The following GANC variants were observed in gnomAD, a reference collection of about 807,000 sequenced individuals.
GANC encodes the protein neutral alpha-glucosidase C.
Under a neutral mutation model 124.2 loss-of-function variants are expected in GANC, and 117 were observed. The ratio of observed to expected loss-of-function variants is 0.94; its 90% CI spans 0.81 to 1.10. The LOEUF (loss-of-function observed/expected upper bound fraction) is 1.10. GANC is among the 50% of genes least tolerant of loss of function. The probability of loss-of-function intolerance (pLI) is 0.00; values close to 1 mark genes in which losing one functional copy is unlikely to be tolerated. For synonymous variants in GANC, 377 were observed against 376.8 expected (o/e 1.00, Z -0.01); for missense variants, 1,140 against 1,095.0 (o/e 1.04, Z -0.58).
Position 42,273,223 on chromosome 15 carries a change from T to A in GANC, c.-1259T>A, listed in dbSNP as rs370752042. The A allele has an allele frequency of 1.2e-6, 2 of 1,612,782 alleles. No individual in the cohort carries two copies. The highest frequency in any genetic ancestry group is 1.7e-6 in the Non-Finnish European group (2 of 1,179,066). On this transcript the variant is annotated 5_prime_UTR_variant, in exon 1 of 24. Transcript: ENST00000318010. ...GCCGTAGCCCCACCCCTTGCTCCTC[T>A]AGGTTCAGACGTTAGTGAAGTGAAT...
chr15:42,345,429 C>A (rs1000850203), intron 19 of GANC, among the ~76,000 whole-genome samples: 2 of 151,976 alleles, frequency 1.3e-5, no homozygotes, highest in African/African-American at 2.4e-5. Flanking sequence ...ACTATAAGAT[C>A]CATGAGGACA....
intron 21 of GANC, 71 bp downstream of exon 21, chr15:42,348,287 C>T: frequency 1.1e-6 from 1 of 908,784 alleles, no homozygotes; most frequent in South Asian, 1.5e-5. Flanking sequence ...GAGTGTGTGA[C>T]ACTACGTAAA....
At chr15:42,285,495 A>G (rs1011184016) in intron 3 of GANC, among the ~76,000 whole-genome samples, 4 of 152,200 alleles carry the variant, frequency 2.6e-5, no homozygotes, top group Non-Finnish European at 2.9e-5. Flanking sequence ...CAAGAAAGCT[A>G]TGTTGGTGAT....
Position 42,339,661 on chromosome 15 carries a change from G to A in GANC, c.1844-8G>A, listed in dbSNP as rs1483824780. 2.5e-6 allele frequency: 4 copies of A among 1,608,518 alleles called. No individual in the cohort carries two copies. The highest frequency in any genetic ancestry group is 1.7e-6 in the Non-Finnish European group (2 of 1,176,208). On this transcript the variant is annotated splice_polypyrimidine_tract_variant and splice_region_variant and intron_variant, in intron 16 of 23. Transcript: ENST00000318010. The stretch of plus-strand genomic sequence containing the variant: ...TGGTTGCCTCACTTGGCCTTCTTTT[G>A]CTTCCAGCTGACATAGGCGGGTTCA...
At chr15:42,320,914 C>T (rs1244933290) in intron 10 of GANC, among the ~76,000 whole-genome samples, 1 of 152,156 alleles carries the variant, frequency 6.6e-6, no homozygotes, top group East Asian at 1.9e-4. Flanking sequence ...CAACAGTTAC[C>T]ACCCTGCTCC....
At chr15:42,283,577 G>T in intron 3 of GANC, 2 of 694,130 alleles carry the variant, frequency 2.9e-6, no homozygotes, top group South Asian at 3.0e-5. Context: ...TGATATAGGT[G>T]ACCATTTGGC....
intron 6 of GANC, among the ~76,000 whole-genome samples, chr15:42,298,451 C>A (rs908344837): frequency 6.6e-6 from 1 of 152,144 alleles, no homozygotes; most frequent in Non-Finnish European, 1.5e-5. Context: ...ATATAAGTCC[C>A]CCATTTATCA....
chr15:42,299,779 C>A (rs1437742728), intron 6 of GANC, among the ~76,000 whole-genome samples: 1 of 152,132 alleles, frequency 6.6e-6, no homozygotes, highest in Non-Finnish European at 1.5e-5. Context: ...TGGAACAGAA[C>A]AGAGACCTCA....
At chr15:42,323,351 G>A (rs1341916591) in intron 11 of GANC, among the ~76,000 whole-genome samples, 2 of 152,152 alleles carry the variant, frequency 1.3e-5, no homozygotes, top group Non-Finnish European at 2.9e-5. Flanking sequence ...AGTGAGTGAA[G>A]AAAAGGCAAG....
chr15:42,293,006 A>G (rs1566951163), intron 5 of GANC, 89 bp downstream of exon 5: 1 of 1,292,834 alleles, frequency 7.7e-7, no homozygotes, highest in South Asian at 1.5e-5. Context: ...ATAGCACCAT[A>G]GAAAATTGGT....
chr15:42,347,720 C>T (rs539537036), intron 20 of GANC, among the ~76,000 whole-genome samples: 1 of 152,244 alleles, frequency 6.6e-6, no homozygotes, highest in South Asian at 2.1e-4. Context: ...CTTCACTCTT[C>T]AGCAGGGTTC....
intron 13 of GANC, among the ~76,000 whole-genome samples, chr15:42,328,464 C>G (rs1046147784): frequency 1.3e-5 from 2 of 151,390 alleles, no homozygotes; most frequent in Non-Finnish European, 2.9e-5. Flanking sequence ...ATCATTTACC[C>G]CCTTATACAT....
At chr15:42,347,174 G>GAA (rs775853278) in intron 20 of GANC, among the ~76,000 whole-genome samples, 4 of 105,436 alleles carry the variant, frequency 3.8e-5, no homozygotes, top group Non-Finnish European at 4.0e-5. Context: ...CTTGTTCTTT[G>GAA]AAAAAAAAAA....
chr15:42,321,686 C>A, intron 10 of GANC, 99 bp from the exon 11 acceptor site: 3 of 1,004,184 alleles, frequency 3.0e-6, no homozygotes, highest in Non-Finnish European at 4.6e-6. Context: ...TAAGCATAAG[C>A]TCAGTGCTGA....
chr15:42,328,918 T>A (rs769485500), intron 13 of GANC, among the ~76,000 whole-genome samples: 52 of 152,210 alleles, frequency 3.4e-4, no homozygotes, highest in Non-Finnish European at 5.4e-4. Flanking sequence ...ATAGTTGCCC[T>A]TAGTTAAGAG....
chr15:42,324,642 A>C (rs2141059209), intron 11 of GANC, among the ~76,000 whole-genome samples: 1 of 152,338 alleles, frequency 6.6e-6, no homozygotes, highest in South Asian at 2.1e-4. Flanking sequence ...TCTAATAGAT[A>C]CTACAGCATG....
chr15:42,317,521 C>T (rs2052118234), intron 10 of GANC, among the ~76,000 whole-genome samples: 1 of 152,026 alleles, frequency 6.6e-6, no homozygotes, highest in African/African-American at 2.4e-5. Context: ...TTGAATTGGA[C>T]ACTTGGAAAT....
At chr15:42,284,003 G>T in intron 3 of GANC, 1 of 702,534 alleles carries the variant, frequency 1.4e-6, no homozygotes, top group South Asian at 1.5e-5. Context: ...GCAATTTAAT[G>T]AACTATTAGA....
At chr15:42,330,973 T>G (rs1460568090) in intron 15 of GANC, among the ~76,000 whole-genome samples, 1 of 151,810 alleles carries the variant, frequency 6.6e-6, no homozygotes, top group Non-Finnish European at 1.5e-5. Flanking sequence ...TGTATATGTA[T>G]TTTTTGGTAG....
Sources: allele counts gnomAD v4.1 joint callset (sites outside exome capture counted in the v4.1 genomes callset), GRCh38; gene constraint gnomAD v4.1.1; transcripts MANE v1.5; gene names NCBI Gene and HGNC (gene_info 2026-07-23, HGNC 2026-07-21).